CAST: variants seen among roughly 807,000 people sequenced by gnomAD.
The protein encoded by CAST is MIR583 host.
Under a neutral mutation model 119.6 loss-of-function variants are expected in CAST, and 76 were observed. The ratio of observed to expected loss-of-function variants is 0.64; its 90% CI spans 0.53 to 0.77. The LOEUF (loss-of-function observed/expected upper bound fraction) is 0.77, where lower values mean the gene tolerates loss of function less well. Ranked by LOEUF, CAST falls within the 30% of genes least tolerant of loss-of-function variation. The pLI, the probability that CAST is intolerant of heterozygous loss-of-function variation, is 0.00. For missense variants in CAST, 953 were observed against 946.5 expected, an observed-to-expected ratio of 1.01 and a Z score of -0.09; for synonymous variants, 319 against 331.6, an observed-to-expected ratio of 0.96 and a Z score of 0.41.
At chr5:95,961,591 G>A in the CAST span, 1 of 1,603,760 alleles carries the variant, frequency 6.2e-7, no homozygotes, top group Non-Finnish European at 8.5e-7. Context: ...GCTCTGGTAA[G>A]TCTCGAGCGC....
At chr5:96,643,480 G>A (rs1747978477) in intron 1 of CAST, among the ~76,000 whole-genome samples, 1 of 152,150 alleles carries the variant, frequency 6.6e-6, no homozygotes, top group Non-Finnish European at 1.5e-5. Context: ...GCTCACGCCT[G>A]TAATCCCAGC....
At chr5:96,575,247 T>C (rs1226879240) in intron 1 of CAST, among the ~76,000 whole-genome samples, 1 of 152,148 alleles carries the variant, frequency 6.6e-6, no homozygotes, top group Non-Finnish European at 1.5e-5. Flanking sequence ...TATTTGTGTG[T>C]GTTGATCTTG....
At chr5:96,233,562 G>T in the CAST span, among the ~76,000 whole-genome samples, 2 of 152,078 alleles carry the variant, frequency 1.3e-5, no homozygotes, top group African/African-American at 2.4e-5. Flanking sequence ...TATTGGTTTA[G>T]CTCCTCTCAT....
chr5:96,051,042 C>G, the CAST span, among the ~76,000 whole-genome samples: 3 of 151,906 alleles, frequency 2.0e-5, no homozygotes, highest in Admixed American at 6.6e-5. Flanking sequence ...GCCCTTGGGC[C>G]CTATTCTAAA....
the CAST span, among the ~76,000 whole-genome samples, chr5:96,399,557 T>C: frequency 6.6e-6 from 1 of 152,174 alleles, no homozygotes; most frequent in Non-Finnish European, 1.5e-5. Context: ...AGCAAGGCTA[T>C]TTTGCAAGCA....
chr5:96,459,533 T>TA, the CAST span, among the ~76,000 whole-genome samples: 3 of 152,250 alleles, frequency 2.0e-5, no homozygotes, highest in East Asian at 1.9e-4. Context: ...TGATGGCTTT[T>TA]AAAAAAATTA....
At chr5:96,481,239 G>T in the CAST span, among the ~76,000 whole-genome samples, 1 of 151,662 alleles carries the variant, frequency 6.6e-6, no homozygotes, top group Admixed American at 6.6e-5. Context: ...AGCTGCTTCT[G>T]TCTTTGCATA....
At chr5:96,445,399 A>G in the CAST span, among the ~76,000 whole-genome samples, 1 of 152,166 alleles carries the variant, frequency 6.6e-6, no homozygotes, top group Non-Finnish European at 1.5e-5. Flanking sequence ...AAAGAAAAAG[A>G]AAGGCTTTAT....
At chr5:96,412,808 C>G in the CAST span, 1 of 297,510 alleles carries the variant, frequency 3.4e-6, no homozygotes, top group South Asian at 4.4e-5. Flanking sequence ...CCAGCAAAAG[C>G]TCTGGGCATT....
chr5:96,415,418 A>G, the CAST span, among the ~76,000 whole-genome samples: 1 of 152,300 alleles, frequency 6.6e-6, no homozygotes, highest in Non-Finnish European at 1.5e-5. Context: ...GCTAAAGGTG[A>G]TAACATCTGC....
At chr5:96,307,326 A>T in the CAST span, among the ~76,000 whole-genome samples, 1 of 151,746 alleles carries the variant, frequency 6.6e-6, no homozygotes, top group Admixed American at 6.6e-5. Context: ...CCCTCCCTTT[A>T]TTTTGAGCCT....
chr5:96,585,388 T>C (rs7735977), intron 1 of CAST, among the ~76,000 whole-genome samples: 1 of 152,178 alleles, frequency 6.6e-6, no homozygotes, highest in Non-Finnish European at 1.5e-5. Flanking sequence ...TCTTAAGGCC[T>C]TTAATTAATC....
intron 1 of CAST, among the ~76,000 whole-genome samples, chr5:96,671,174 G>C (rs769026031): frequency 6.6e-6 from 1 of 152,032 alleles, no homozygotes; most frequent in Non-Finnish European, 1.5e-5. Context: ...TGAGCTTCTG[G>C]AGCACATACC....
the CAST span, chr5:95,961,887 C>T: frequency 2.4e-6 from 2 of 850,142 alleles, no homozygotes; most frequent in Non-Finnish European, 1.7e-6. Context: ...ACCGCCGCCA[C>T]CCGCCCCACC....
the CAST span, chr5:96,423,376 T>C: frequency 6.2e-7 from 1 of 1,613,952 alleles, no homozygotes. Flanking sequence ...TGATAACAAC[T>C]CCTTTGCCCG....
the CAST span, among the ~76,000 whole-genome samples, chr5:96,031,428 A>C: frequency 6.6e-6 from 1 of 152,096 alleles, no homozygotes; most frequent in South Asian, 2.1e-4. Context: ...GCTTTATGTC[A>C]TGACAACATT....
the CAST span, among the ~76,000 whole-genome samples, chr5:96,472,805 C>A: frequency 2.6e-5 from 4 of 152,260 alleles, no homozygotes; most frequent in East Asian, 7.7e-4. Flanking sequence ...ATTTTAGATT[C>A]CAAATCTAAT....
intron 9 of CAST, among the ~76,000 whole-genome samples, chr5:96,733,774 G>C (rs200536749): frequency 1.3e-5 from 2 of 152,190 alleles, no homozygotes; most frequent in East Asian, 3.8e-4. Flanking sequence ...CTACTCAAGA[G>C]GCTGAGGCAG....
intron 1 of CAST, among the ~76,000 whole-genome samples, chr5:96,580,069 A>G (rs780939214): frequency 1.2e-4 from 19 of 152,244 alleles, no homozygotes; most frequent in Non-Finnish European, 2.2e-4. Flanking sequence ...AGTGTTGTAC[A>G]TGATATCTTC....
Sources: gnomAD v4.1 joint callset for allele counts (sites outside exome capture counted in the v4.1 genomes callset) on GRCh38, gnomAD v4.1.1 for gene constraint, MANE v1.5 for transcripts, NCBI Gene and HGNC (gene_info 2026-07-23, HGNC 2026-07-21) for gene names.